WAC: variants seen among roughly 807,000 people sequenced by gnomAD.
WAC encodes WW domain containing adaptor with coiled-coil, also known as WW domain-containing adapter protein with coiled-coil.
A neutral mutation model predicts 79.6 loss-of-function variants in WAC; 11 were observed. The ratio of observed to expected loss-of-function variants is 0.14; its 90% CI spans 0.09 to 0.23. The LOEUF (loss-of-function observed/expected upper bound fraction) is 0.23, where lower values mean the gene tolerates loss of function less well. Among genes scored for constraint, WAC ranks in the 10% least tolerant of loss-of-function variants. WAC has a pLI of 1.00. For missense variants in WAC, 728 were observed against 773.5 expected, an observed-to-expected ratio of 0.94 and a Z score of 0.70; for synonymous variants, 304 against 276.9, an observed-to-expected ratio of 1.10 and a Z score of -0.97.
At chr10:28,541,032 G>A (rs369983067) in intron 3 of WAC, among the ~76,000 whole-genome samples, 2 of 152,070 alleles carry the variant, frequency 1.3e-5, no homozygotes, top group African/African-American at 4.8e-5. Context: ...ATTATGTATT[G>A]TTTATAATTT....
Position 28,589,795 on chromosome 10 carries a change from C to T in WAC, c.441C>T (p.Tyr147=). ...TTAGCTCTTCTGGGAAAAAGTACTACTACAATTGTCGAACAGAAGTTTCAC... is the reference window on the plus strand; with the variant it reads ...TTAGCTCTTCTGGGAAAAAGTACTATTACAATTGTCGAACAGAAGTTTCAC... ...EHISSSGKKY[Y]YNCRTEVSQW... is the part of the protein sequence containing the mutation. Residue 147 remains tyrosine, a synonymous_variant, in exon 5 of 14, where the codon TAC becomes TAT. Transcript: ENST00000354911. 6.2e-7 allele frequency: 1 copy of T among 1,613,944 alleles called. No individual in the cohort carries two copies. Among genetic ancestry groups the T allele is most frequent in the Non-Finnish European group, 8.5e-7 (1 of 1,179,890 alleles).
At chr10:28,535,445 A>G (rs1836590994) in intron 2 of WAC, 117 bp from the exon 3 acceptor site, 1 of 1,303,518 alleles carries the variant, frequency 7.7e-7, no homozygotes, top group Non-Finnish European at 1.0e-6. Flanking sequence ...GAAAGTGGAA[A>G]TTTTAATTTT....
intron 3 of WAC, among the ~76,000 whole-genome samples, chr10:28,567,996 C>T (rs1161820563): frequency 2.6e-5 from 4 of 152,200 alleles, no homozygotes; most frequent in African/African-American, 9.7e-5. Context: ...CCCTGGCCTC[C>T]CAAAGCACTG....
At chr10:28,614,220 C>T (rs1386727732) in intron 10 of WAC, among the ~76,000 whole-genome samples, 1 of 152,072 alleles carries the variant, frequency 6.6e-6, no homozygotes, top group Admixed American at 6.5e-5. Context: ...ATTCTCCTGC[C>T]TCAGCCTCCC....
intron 2 of WAC, among the ~76,000 whole-genome samples, chr10:28,535,077 T>C (rs1282681278): frequency 1.3e-5 from 2 of 151,822 alleles, no homozygotes; most frequent in East Asian, 1.9e-4. Flanking sequence ...AGGTCTGAAA[T>C]GCTTTATTTG....
At chr10:28,545,325 T>C (rs1386408019) in intron 3 of WAC, among the ~76,000 whole-genome samples, 1 of 151,444 alleles carries the variant, frequency 6.6e-6, no homozygotes. Flanking sequence ...CCATCTCTAC[T>C]AAAAATACAA....
intron 3 of WAC, among the ~76,000 whole-genome samples, chr10:28,560,405 G>A (rs1461553505): frequency 1.3e-5 from 2 of 152,092 alleles, no homozygotes; most frequent in Non-Finnish European, 2.9e-5. Flanking sequence ...GCCGAAGCAG[G>A]CATTAGCTGG....
intron 7 of WAC, 113 bp from the exon 8 acceptor site, chr10:28,608,073 G>A: frequency 1.7e-6 from 2 of 1,198,690 alleles, no homozygotes; most frequent in Non-Finnish European, 2.4e-6. Context: ...GTGTGTAAGG[G>A]TTAAATGAGA....
chr10:28,606,368 C>A (rs1049932384), intron 7 of WAC, among the ~76,000 whole-genome samples: 3 of 152,170 alleles, frequency 2.0e-5, no homozygotes, highest in Non-Finnish European at 4.4e-5. Context: ...AAACATTTAT[C>A]GTTTTATTTG....
At chr10:28,597,358 T>A (rs1840430379) in intron 7 of WAC, among the ~76,000 whole-genome samples, 1 of 152,220 alleles carries the variant, frequency 6.6e-6, no homozygotes, top group African/African-American at 2.4e-5. Context: ...TTTGACAATT[T>A]GCTCACAGAA....
In WAC at chr10:28,550,110, G is replaced by A. The variant is rs530817681; in HGVS notation, c.274+14353G>A. 3.5e-4 allele frequency among the ~76,000 whole-genome samples: 53 copies of A among 151,784 alleles called. No individual in the cohort carries two copies. In the East Asian group the frequency reaches 6.6e-3, roughly 19 times the overall value. ...CTTGAACTTGGGAGATGGAGGTCGCGGTGAGCGGAGATCACACCACTGCAC... is the reference window on the plus strand; with the variant it reads ...CTTGAACTTGGGAGATGGAGGTCGCAGTGAGCGGAGATCACACCACTGCAC... On this transcript the variant is annotated intron_variant, in intron 3 of 13. Coordinates refer to ENST00000354911, the MANE Select transcript of WAC (RefSeq NM_016628.5).
At chr10:28,578,887 T>C (rs1351755095) in intron 3 of WAC, among the ~76,000 whole-genome samples, 2 of 152,156 alleles carry the variant, frequency 1.3e-5, no homozygotes, top group Non-Finnish European at 2.9e-5. Flanking sequence ...CATCCAGTCA[T>C]GTTGTTACAT....
chr10:28,546,314 T>TTA (rs1166211598), intron 3 of WAC, among the ~76,000 whole-genome samples: 1 of 152,228 alleles, frequency 6.6e-6, no homozygotes, highest in East Asian at 1.9e-4. Context: ...TTTCTGCATT[T>TTA]AATAATTTGT....
rs1237979581 is a variant in WAC, at chr10:28,619,794, A to G, written c.*188A>G. On this transcript the variant is annotated 3_prime_UTR_variant, in exon 14 of 14. Transcript: ENST00000354911. ...AAGATTGATTTGTAAAACCCTTGAAATGTAGATTTCTTGTAGATGTATCCT... is the reference window on the plus strand; with the variant it reads ...AAGATTGATTTGTAAAACCCTTGAAGTGTAGATTTCTTGTAGATGTATCCT... The G allele has an allele frequency of 6.1e-6, 3 of 487,808 alleles. No homozygotes were observed. The highest frequency in any genetic ancestry group is 1.1e-5 in the Non-Finnish European group (3 of 278,424). The allele number at this position is 487,808 out of a possible 1,614,324, so 30.2% of individuals were successfully genotyped here. A position where few individuals can be genotyped will look rare whatever the true frequency, so the allele number is the denominator to read the frequency against.
Position 28,616,372 on chromosome 10 carries a change from G to A in WAC, c.1746+10G>A. On this transcript the variant is annotated intron_variant, in intron 12 of 13. Coordinates refer to ENST00000354911, the MANE Select transcript of WAC (RefSeq NM_016628.5). Reference sequence around the variant, plus strand: ...TCATGCAGAGAAGCAGGTATGTTATGTACAGCCTAGATTTTACCTTTGGAT... The same window carrying A: ...TCATGCAGAGAAGCAGGTATGTTATATACAGCCTAGATTTTACCTTTGGAT... 1 of 1,568,538 alleles carries A rather than the reference G, an allele frequency of 6.4e-7. No homozygotes were observed. Among genetic ancestry groups the A allele is most frequent in the Non-Finnish European group, 8.7e-7 (1 of 1,152,682 alleles).
chr10:28,567,136 A>G (rs775657785), intron 3 of WAC, among the ~76,000 whole-genome samples: 2 of 147,958 alleles, frequency 1.4e-5, no homozygotes, highest in Non-Finnish European at 3.0e-5. Context: ...ATGTGGTTTT[A>G]TTTTTAAATA....
At chr10:28,588,884 A>G (rs1839954453) in intron 4 of WAC, 1 of 152,206 alleles carries the variant, frequency 6.6e-6, no homozygotes, top group Non-Finnish European at 1.5e-5. Context: ...TTTTCTAGCT[A>G]TTTGACAAAA....
chr10:28,616,334 G>A lies in WAC; in HGVS notation c.1718G>A (p.Gly573Glu). Reference sequence around the variant, plus strand: ...GAAAATCTCATAAAACACGTTCAAGGATGGCCTGCAGATCATGCAGAGAAG... The same window carrying A: ...GAAAATCTCATAAAACACGTTCAAGAATGGCCTGCAGATCATGCAGAGAAG... ...FSENLIKHVQ[G>E]WPADHAEKQA... Residue 573 changes from glycine (G) to glutamate (E), a missense_variant, in exon 12 of 14, where the codon GGA becomes GAA. This residue lies in a region of WAC where 14 missense variants were observed against 33.1 expected (regional missense o/e 0.42). Coordinates refer to ENST00000354911, the MANE Select transcript of WAC (RefSeq NM_016628.5). 1.9e-6 allele frequency: 3 copies of A among 1,612,194 alleles called. No homozygotes were observed. Among genetic ancestry groups the A allele is most frequent in the Non-Finnish European group, 2.5e-6 (3 of 1,178,830 alleles).
intron 3 of WAC, among the ~76,000 whole-genome samples, chr10:28,539,939 A>T (rs1348665764): frequency 1.3e-5 from 2 of 152,198 alleles, no homozygotes; most frequent in African/African-American, 4.8e-5. Flanking sequence ...TAACTTTCAA[A>T]TAAAAGTTAC....
Sources: gnomAD v4.1 joint callset for allele counts (sites outside exome capture counted in the v4.1 genomes callset) on GRCh38, gnomAD v4.1.1 for gene constraint, gnomAD v4.1.1 regional missense constraint, MANE v1.5 for transcripts, NCBI Gene and HGNC (gene_info 2026-07-23, HGNC 2026-07-21) for gene names.